PDE4D: variants seen among roughly 807,000 people sequenced by gnomAD.
PDE4D encodes 3',5'-cyclic-AMP phosphodiesterase 4D.
PDE4D carries 24 observed loss-of-function variants against 87.4 expected under a neutral mutation model. The ratio of observed to expected loss-of-function variants is 0.27; its 90% CI spans 0.20 to 0.39. The LOEUF is 0.39. Among genes scored for constraint, PDE4D ranks in the 10% least tolerant of loss-of-function variants. PDE4D has a pLI of 1.00. For missense variants in PDE4D, 714 were observed against 1,041.0 expected (o/e 0.69, Z 4.32); for synonymous variants, 384 against 383.2 (o/e 1.00, Z -0.02).
chr5:60,315,132 T>C (rs111820538), intron 1 of PDE4D, among the ~76,000 whole-genome samples: 3,849 of 152,284 alleles, frequency 0.025, 148 homozygotes, highest in African/African-American at 0.089. Context: ...TTTCTCCACA[T>C]CCTCTCCAGC....
intron 1 of PDE4D, among the ~76,000 whole-genome samples, chr5:60,515,603 T>TTC (rs146166441): frequency 0.35 from 44,579 of 128,710 alleles, 8,505 homozygotes; most frequent in East Asian, 0.53. Flanking sequence ...TTCTTTTTCT[T>TTC]TTTTTTTTTT....
At chr5:60,464,027 C>A (rs529404102) in intron 1 of PDE4D, among the ~76,000 whole-genome samples, 3 of 152,132 alleles carry the variant, frequency 2.0e-5, no homozygotes, top group Non-Finnish European at 4.4e-5. Context: ...CCTTCTTTCT[C>A]TCTCTCCCCC....
intron 1 of PDE4D, among the ~76,000 whole-genome samples, chr5:59,418,324 T>G (rs556332153): frequency 6.6e-6 from 1 of 152,336 alleles, no homozygotes; most frequent in Admixed American, 6.5e-5. Context: ...GCCTCTCAAG[T>G]TCAATAAATT....
intron 1 of PDE4D, among the ~76,000 whole-genome samples, chr5:59,886,919 G>C (rs930639342): frequency 1.3e-5 from 2 of 150,694 alleles, no homozygotes; most frequent in African/African-American, 4.9e-5. Flanking sequence ...GGTAGCCTGG[G>C]GTGAAAAAAA....
At chr5:60,143,603 T>TTTTGTGTGTGTGTGTGTGTGTGTG (rs1780730543) in intron 2 of PDE4D, among the ~76,000 whole-genome samples, 10 of 117,754 alleles carry the variant, frequency 8.5e-5, no homozygotes, top group African/African-American at 3.0e-4. Context: ...AGCTTGGGAA[T>TTTTGTGTGTGTGTGTGTGTGTGTG]TGTGTGTGTG....
intron 2 of PDE4D, among the ~76,000 whole-genome samples, chr5:60,146,170 C>T (rs186954672): frequency 2.2e-4 from 33 of 152,234 alleles, no homozygotes; most frequent in African/African-American, 1.7e-4. Flanking sequence ...GCCAAGCTCG[C>T]GCCACTGCAC....
intron 1 of PDE4D, among the ~76,000 whole-genome samples, chr5:60,340,090 T>C (rs769506212): frequency 3.9e-5 from 6 of 152,172 alleles, no homozygotes; most frequent in Non-Finnish European, 8.8e-5. Flanking sequence ...GCCTAAAAAC[T>C]GGCACAAAGC....
At position 60,318,385 on chromosome 5, in the gene PDE4D, C is replaced by T. The variant is rs190123374; in HGVS notation, c.-89-132698G>A. Among the ~76,000 whole-genome samples the T allele has an allele frequency of 9.7e-3, 1,470 of 152,210 alleles. 16 individuals carry two copies. The highest frequency in any genetic ancestry group is 0.043 in the South Asian group (206 of 4,822). On this transcript the variant is annotated intron_variant, in intron 1 of 16. Coordinates refer to the PDE4D transcript ENST00000502484. Reference sequence around the variant, plus strand: ...TTTTGAGCCTATGTGTGTCTCTGCACGTGAGATGGGTTTCCTGAATATAGC... The same window carrying T: ...TTTTGAGCCTATGTGTGTCTCTGCATGTGAGATGGGTTTCCTGAATATAGC...
intron 5 of PDE4D, among the ~76,000 whole-genome samples, chr5:59,080,558 C>G (rs1766558272): frequency 2.0e-5 from 3 of 152,070 alleles, no homozygotes; most frequent in Admixed American, 2.0e-4. Flanking sequence ...ACTCGCTACT[C>G]AAAAACTGTG....
At chr5:60,407,165 C>T (rs1402246391) in intron 1 of PDE4D, among the ~76,000 whole-genome samples, 1 of 152,100 alleles carries the variant, frequency 6.6e-6, no homozygotes, top group African/African-American at 2.4e-5. Context: ...CGTTGAGTAC[C>T]TGAGAGTACC....
chr5:59,745,494 G>A (rs1759473857), intron 1 of PDE4D, among the ~76,000 whole-genome samples: 1 of 152,182 alleles, frequency 6.6e-6, no homozygotes, highest in South Asian at 2.1e-4. Context: ...AGTCAGCTGG[G>A]AGTGACAGGC....
intron 2 of PDE4D, among the ~76,000 whole-genome samples, chr5:60,091,453 T>G (rs1469925703): frequency 6.6e-6 from 1 of 152,138 alleles, no homozygotes; most frequent in African/African-American, 2.4e-5. Context: ...CACCCCAGTT[T>G]AAATGGTAAT....
intron 1 of PDE4D, among the ~76,000 whole-genome samples, chr5:59,556,298 C>A (rs1164241940): frequency 6.6e-6 from 1 of 152,072 alleles, no homozygotes; most frequent in Non-Finnish European, 1.5e-5. Flanking sequence ...TATTCAAATT[C>A]TCTCTCATTC....
intron 2 of PDE4D, among the ~76,000 whole-genome samples, chr5:60,111,493 G>A (rs756987519): frequency 6.6e-5 from 10 of 151,744 alleles, no homozygotes; most frequent in Non-Finnish European, 1.2e-4. Flanking sequence ...AATATTCCTG[G>A]GCATTATACA....
chr5:60,216,696 A>G (rs974679248), intron 1 of PDE4D, among the ~76,000 whole-genome samples: 4 of 152,164 alleles, frequency 2.6e-5, no homozygotes, highest in African/African-American at 9.6e-5. Flanking sequence ...CAAGAGACAA[A>G]GAAAGACATA....
chr5:59,005,212 T>G (rs893061833), intron 6 of PDE4D, among the ~76,000 whole-genome samples: 3 of 152,226 alleles, frequency 2.0e-5, no homozygotes, highest in African/African-American at 7.2e-5. Flanking sequence ...CTCTAAAATC[T>G]GCAGCCTCTT....
chr5:59,046,331 CAT>C (rs1760655559), intron 5 of PDE4D, among the ~76,000 whole-genome samples: 1 of 149,904 alleles, frequency 6.7e-6, no homozygotes, highest in Middle Eastern at 3.4e-3. Flanking sequence ...TGTGCACATG[CAT>C]GTGTGTGTGT....
chr5:60,248,945 G>A lies in PDE4D; in HGVS notation c.-89-63258C>T, dbSNP rs112957983. ...TTGAGGAGCAGCTGGCATTCACTGC[G>A]CAAAGAGCACCATCAAAAATTGAGC... On this transcript the variant is annotated intron_variant, in intron 1 of 16. Transcript: ENST00000502484. Among the ~76,000 whole-genome samples the A allele has an allele frequency of 1.5e-3, 227 of 152,064 alleles. 2 individuals are homozygous for A. The highest frequency in any genetic ancestry group is 5.2e-3 in the African/African-American group (217 of 41,530).
intron 1 of PDE4D, among the ~76,000 whole-genome samples, chr5:60,316,564 C>T (rs1356071905): frequency 6.6e-6 from 1 of 152,120 alleles, no homozygotes. Flanking sequence ...CTGTCTTGTG[C>T]CAGTTTTCAA....
Sources: allele counts gnomAD v4.1 joint callset (sites outside exome capture counted in the v4.1 genomes callset), GRCh38; gene constraint gnomAD v4.1.1; transcripts MANE v1.5; gene names NCBI Gene and HGNC (gene_info 2026-07-23, HGNC 2026-07-21).